The following OXR1 variants were observed in gnomAD, a reference collection of about 807,000 sequenced individuals.
OXR1 encodes the protein oxidation resistance protein 1.
OXR1 carries 41 observed loss-of-function variants against 104.6 expected under a neutral mutation model. The observed-to-expected ratio is 0.39, with a 90% CI of 0.31 to 0.51. The LOEUF (loss-of-function observed/expected upper bound fraction) is 0.51. Ranked by LOEUF, OXR1 falls within the 20% of genes least tolerant of loss-of-function variation. The pLI, the probability that OXR1 is intolerant of heterozygous loss-of-function variation, is 0.77. For synonymous variants in OXR1, 348 were observed against 348.4 expected (o/e 1.00, Z 0.01); for missense variants, 955 against 1,031.9 (o/e 0.93, Z 1.02).
chr8:106,529,433 A>C (rs1000551038), intron 3 of OXR1, among the ~76,000 whole-genome samples: 1 of 152,182 alleles, frequency 6.6e-6, no homozygotes, highest in African/African-American at 2.4e-5. Context: ...TTTCAAGATA[A>C]ATTAGATTTT....
chr8:106,698,755 G>A (rs1830315853), intron 7 of OXR1, among the ~76,000 whole-genome samples: 1 of 151,754 alleles, frequency 6.6e-6, no homozygotes, highest in Admixed American at 6.6e-5. Context: ...TATCCATACT[G>A]TGTATAATCT....
At chr8:106,510,254 A>G (rs1812436539) in intron 2 of OXR1, among the ~76,000 whole-genome samples, 1 of 152,206 alleles carries the variant, frequency 6.6e-6, no homozygotes, top group South Asian at 2.1e-4. Flanking sequence ...CATTCATTCA[A>G]CAATTTATTT....
chr8:106,471,768 A>G (rs1370144776), intron 2 of OXR1, among the ~76,000 whole-genome samples: 1 of 151,900 alleles, frequency 6.6e-6, no homozygotes, highest in Non-Finnish European at 1.5e-5. Flanking sequence ...AAACAACAAC[A>G]TAATCACTGG....
chr8:106,518,958 C>T lies in OXR1; in HGVS notation c.39C>T (p.Ser13=). ...VSNLSWLKKK[S]QSVDINAPGF... Reference sequence around the variant, plus strand: ...TTACTTGTAGGCTGAAGAAAAAGTCCCAGTCGGTGGATATTAATGCTCCAG... The same window carrying T: ...TTACTTGTAGGCTGAAGAAAAAGTCTCAGTCGGTGGATATTAATGCTCCAG... The change falls in exon 3 of 17, where the codon TCC becomes TCT. Residue 13 remains serine (S), a synonymous_variant. Transcript: ENST00000517566. 1.3e-6 allele frequency: 2 copies of T among 1,549,738 alleles called. No individual in the cohort carries two copies. The highest frequency in any genetic ancestry group is 1.7e-6 in the Non-Finnish European group (2 of 1,145,862).
In OXR1 at chr8:106,629,714, G is replaced by A. The variant is rs369816655; in HGVS notation, c.221-49496G>A. On this transcript the variant is annotated intron_variant, in intron 3 of 16. Coordinates refer to ENST00000517566, the MANE Select transcript of OXR1 (RefSeq NM_001198533.2). Reference sequence around the variant, plus strand: ...GAACCCACATAATATCACCACAAAGGCATTTCATAAATTATAGAATAAAAC... The same window carrying A: ...GAACCCACATAATATCACCACAAAGACATTTCATAAATTATAGAATAAAAC... 2.0e-5 allele frequency among the ~76,000 whole-genome samples: 3 copies of A among 151,866 alleles called. No individual in the cohort carries two copies. In the East Asian group the frequency reaches 5.8e-4, roughly 29 times the overall value.
intron 2 of OXR1, among the ~76,000 whole-genome samples, chr8:106,507,825 G>A (rs965457768): frequency 6.6e-5 from 10 of 152,156 alleles, no homozygotes; most frequent in African/African-American, 2.2e-4. Context: ...TCCTTTGTGC[G>A]TAAAATAGAA....
At chr8:106,449,598 G>A (rs955668927) in intron 2 of OXR1, among the ~76,000 whole-genome samples, 1 of 152,066 alleles carries the variant, frequency 6.6e-6, no homozygotes, top group African/African-American at 2.4e-5. Flanking sequence ...CCAGCTCCAC[G>A]CAGCTAGTAA....
chr8:106,575,319 C>G (rs1817747382), intron 3 of OXR1, among the ~76,000 whole-genome samples: 1 of 151,974 alleles, frequency 6.6e-6, no homozygotes, highest in Non-Finnish European at 1.5e-5. Flanking sequence ...AAATCACTTT[C>G]CAAAAAGTGT....
intron 3 of OXR1, among the ~76,000 whole-genome samples, chr8:106,633,626 T>C (rs774401120): frequency 3.3e-5 from 5 of 152,210 alleles, no homozygotes; most frequent in Non-Finnish European, 7.3e-5. Flanking sequence ...GAGCCAGCAG[T>C]TGCTTCTTTT....
In OXR1 at chr8:106,436,995, A is replaced by T. The variant is rs1048402158; in HGVS notation, c.23+77359A>T. On this transcript the variant is annotated intron_variant, in intron 2 of 16. Transcript: ENST00000517566. Reference sequence around the variant, plus strand: ...GGGGTGACTATTGGCTGAGCAAAACAAACAAACAAAAAAATCTTTCTATGT... The same window carrying T: ...GGGGTGACTATTGGCTGAGCAAAACTAACAAACAAAAAAATCTTTCTATGT... Among the ~76,000 whole-genome samples, 4 of 151,822 alleles carry T rather than the reference A, an allele frequency of 2.6e-5. 1 individual carries two copies. In the South Asian group the frequency reaches 8.3e-4, roughly 32 times the overall value.
intron 1 of OXR1, among the ~76,000 whole-genome samples, chr8:106,281,778 TG>T (rs1480434648): frequency 4.0e-5 from 5 of 125,084 alleles, no homozygotes; most frequent in African/African-American, 1.6e-4. Flanking sequence ...CTACCCTGGG[TG>T]ACAGAGCAAG....
At chr8:106,279,706 ATAG>A (rs1340463020) in intron 1 of OXR1, among the ~76,000 whole-genome samples, 2 of 152,188 alleles carry the variant, frequency 1.3e-5, no homozygotes, top group East Asian at 3.9e-4. Context: ...GAACTTACTA[ATAG>A]TAGTAAGTCC....
At chr8:106,287,619 C>T (rs545939920) in intron 1 of OXR1, among the ~76,000 whole-genome samples, 4 of 150,856 alleles carry the variant, frequency 2.7e-5, no homozygotes. Flanking sequence ...ATAGATTTCT[C>T]CTTCCCAGGT....
intron 1 of OXR1, among the ~76,000 whole-genome samples, chr8:106,295,916 G>A (rs78543510): frequency 0.086 from 13,148 of 152,166 alleles, 650 homozygotes; most frequent in African/African-American, 0.13. Flanking sequence ...CCTCTGTCCT[G>A]AAGAGTGAGT....
At chr8:106,718,669 C>T (rs1832512999) in intron 11 of OXR1, among the ~76,000 whole-genome samples, 1 of 151,752 alleles carries the variant, frequency 6.6e-6, no homozygotes, top group South Asian at 2.1e-4. Context: ...GAAACCCCGT[C>T]TCTACTAAAA....
chr8:106,401,964 A>G (rs1818021428), intron 2 of OXR1, among the ~76,000 whole-genome samples: 1 of 152,192 alleles, frequency 6.6e-6, no homozygotes, highest in South Asian at 2.1e-4. Flanking sequence ...GAAATAGGAC[A>G]GTGAAGGTGT....
intron 2 of OXR1, among the ~76,000 whole-genome samples, chr8:106,446,117 G>T (rs1245942685): frequency 6.6e-6 from 1 of 152,142 alleles, no homozygotes; most frequent in East Asian, 1.9e-4. Flanking sequence ...GATGAGAAGT[G>T]GTTTGTCTCC....
intron 3 of OXR1, among the ~76,000 whole-genome samples, chr8:106,671,900 A>G (rs1263172057): frequency 1.3e-5 from 2 of 150,898 alleles, no homozygotes; most frequent in Non-Finnish European, 1.5e-5. Flanking sequence ...GCACACCAAC[A>G]TGGCACATGG....
At chr8:106,707,225 T>C (rs749456481) in intron 9 of OXR1, 80 bp downstream of exon 9, 17 of 1,345,662 alleles carry the variant, frequency 1.3e-5, no homozygotes, top group Non-Finnish European at 1.8e-5. Context: ...CAAAAGCCGC[T>C]GTACCTTAGG....
Sources: allele counts gnomAD v4.1 joint callset (sites outside exome capture counted in the v4.1 genomes callset), GRCh38; gene constraint gnomAD v4.1.1; transcripts MANE v1.5; gene names NCBI Gene and HGNC (gene_info 2026-07-23, HGNC 2026-07-21).